KCNN2: variants seen among roughly 807,000 people sequenced by gnomAD.
KCNN2 encodes the protein small conductance calcium-activated potassium channel protein 2.
KCNN2 carries 24 observed loss-of-function variants against 55.5 expected under a neutral mutation model. That is an observed-to-expected ratio of 0.43 (90% CI 0.31 to 0.61). The LOEUF (loss-of-function observed/expected upper bound fraction) is 0.61. KCNN2 is among the 20% of genes least tolerant of loss of function. The probability of loss-of-function intolerance (pLI) is 0.08; values close to 1 mark genes in which losing one functional copy is unlikely to be tolerated. For missense variants in KCNN2, 754 were observed against 853.6 expected, an observed-to-expected ratio of 0.88 and a Z score of 1.45; for synonymous variants, 431 against 336.1, an observed-to-expected ratio of 1.28 and a Z score of -3.09.
At chr5:114,238,623 C>T (rs1436778392) in intron 2 of KCNN2, among the ~76,000 whole-genome samples, 1 of 139,806 alleles carries the variant, frequency 7.2e-6, no homozygotes, top group South Asian at 2.4e-4. Flanking sequence ...GAGACTCCGT[C>T]TCCAAAAAAA....
upstream of KCNN2, among the ~76,000 whole-genome samples, chr5:114,357,967 T>C (rs1429916492): frequency 6.6e-6 from 1 of 150,420 alleles, no homozygotes; most frequent in African/African-American, 2.4e-5. Flanking sequence ...ACCTGTTGTT[T>C]CCTGACTTTT....
chr5:114,098,810 T>C (rs909543319), intron 1 of KCNN2, among the ~76,000 whole-genome samples: 1 of 152,144 alleles, frequency 6.6e-6, no homozygotes, highest in African/African-American at 2.4e-5. Context: ...CTTTTATTTG[T>C]ATAAATTTAT....
chr5:114,123,141 AGT>A (rs1751858261), intron 1 of KCNN2, among the ~76,000 whole-genome samples: 1 of 152,100 alleles, frequency 6.6e-6, no homozygotes, highest in Non-Finnish European at 1.5e-5. Flanking sequence ...TTACTGAGGC[AGT>A]GTTTTTTTTG....
intron 2 of KCNN2, among the ~76,000 whole-genome samples, chr5:114,352,128 T>C (rs191654129): frequency 6.6e-6 from 1 of 151,726 alleles, no homozygotes; most frequent in Admixed American, 6.6e-5. Flanking sequence ...CCATTCAAAT[T>C]TTCTACTTAA....
intron 1 of KCNN2, among the ~76,000 whole-genome samples, chr5:114,072,085 G>A (rs190519509): frequency 9.2e-5 from 14 of 152,268 alleles, no homozygotes; most frequent in African/African-American, 3.4e-4. Flanking sequence ...CTGAGGTCGG[G>A]AGTTCAAGAC....
At chr5:114,467,073 T>C (rs1761486204) in intron 4 of KCNN2, among the ~76,000 whole-genome samples, 1 of 152,182 alleles carries the variant, frequency 6.6e-6, no homozygotes, top group Non-Finnish European at 1.5e-5. Flanking sequence ...ACGTTAAATT[T>C]GCCCTGTGCC....
At chr5:114,102,813 A>G (rs1751399462) in intron 1 of KCNN2, among the ~76,000 whole-genome samples, 1 of 152,216 alleles carries the variant, frequency 6.6e-6, no homozygotes, top group Non-Finnish European at 1.5e-5. Context: ...TTTTGGTACC[A>G]GTACCAAGCT....
chr5:114,128,603 T>TG (rs1751986879), intron 1 of KCNN2, among the ~76,000 whole-genome samples: 2 of 152,184 alleles, frequency 1.3e-5, no homozygotes, highest in African/African-American at 4.8e-5. Flanking sequence ...AAGACATAAT[T>TG]TAACTCATAA....
At chr5:114,165,539 T>A (rs556376443) in intron 1 of KCNN2, among the ~76,000 whole-genome samples, 3 of 152,156 alleles carry the variant, frequency 2.0e-5, no homozygotes, top group Admixed American at 1.3e-4. Flanking sequence ...TTACTTAGTT[T>A]ATTGATTAGG....
chr5:114,206,888 CCCAG>C (rs1463361211), intron 1 of KCNN2, among the ~76,000 whole-genome samples: 2 of 152,086 alleles, frequency 1.3e-5, no homozygotes, highest in Non-Finnish European at 2.9e-5. Context: ...GTCATTCCTC[CCCAG>C]CCAAGCTAAT....
chr5:114,303,441 T>C (rs1756208629), intron 2 of KCNN2, among the ~76,000 whole-genome samples: 1 of 152,140 alleles, frequency 6.6e-6, no homozygotes, highest in South Asian at 2.1e-4. Context: ...CAAGTTTGTG[T>C]TGAAGTAGGA....
intron 1 of KCNN2, among the ~76,000 whole-genome samples, chr5:114,202,612 A>G (rs1433712090): frequency 2.4e-5 from 3 of 127,638 alleles, no homozygotes; most frequent in Non-Finnish European, 4.7e-5. Flanking sequence ...CCCGAGACAG[A>G]GTCTCGCTCT....
intron 2 of KCNN2, among the ~76,000 whole-genome samples, chr5:114,329,815 T>G (rs1312034303): frequency 6.6e-6 from 1 of 152,186 alleles, no homozygotes; most frequent in African/African-American, 2.4e-5. Flanking sequence ...CTCTTCAATC[T>G]GTTCTTCTTC....
At chr5:114,190,631 G>A (rs557709715) in intron 1 of KCNN2, among the ~76,000 whole-genome samples, 1 of 151,938 alleles carries the variant, frequency 6.6e-6, no homozygotes, top group South Asian at 2.1e-4. Context: ...ACAATATATG[G>A]TATCTATTGT....
chr5:114,358,201 A>G (rs549719396), upstream of KCNN2, among the ~76,000 whole-genome samples: 2 of 152,234 alleles, frequency 1.3e-5, no homozygotes, highest in South Asian at 4.1e-4. Flanking sequence ...AAATTTTCGC[A>G]ACCTACTCAT....
rs1758881406 is a variant in KCNN2 at position 114,404,779 on chromosome 5, A to G, written c.1560A>G (p.Ile520Met). The stretch of plus-strand genomic sequence containing the variant: ...TTGTTATGAAGACTTTAATGACTAT[A>G]TGCCCAGGAACTGTACTCTTGGTTT... ...TRFVMKTLMT[I>M]CPGTVLLVFS... Residue 520 changes from isoleucine to methionine, a missense_variant, in exon 3 of 8, where the codon ATA (isoleucine) becomes ATG (methionine). Coordinates refer to ENST00000673685, the MANE Select transcript of KCNN2 (RefSeq NM_021614.4). 9.9e-6 allele frequency: 16 copies of G among 1,613,930 alleles called. No homozygotes were observed. Among genetic ancestry groups the G allele is most frequent in the Non-Finnish European group, 1.2e-5 (14 of 1,179,820 alleles).
intron 6 of KCNN2, among the ~76,000 whole-genome samples, chr5:114,489,657 C>T (rs561801279): frequency 6.6e-6 from 1 of 152,246 alleles, no homozygotes; most frequent in African/African-American, 2.4e-5. Flanking sequence ...TTTATTCATG[C>T]AAGCTTTGTT....
intron 1 of KCNN2, 106 bp downstream of exon 1, chr5:114,363,367 G>C: frequency 7.4e-7 from 1 of 1,342,978 alleles, no homozygotes; most frequent in South Asian, 1.5e-5. Context: ...TCTCCGGGAC[G>C]ATCAAGGGAG....
intron 7 of KCNN2, among the ~76,000 whole-genome samples, chr5:114,494,786 G>A (rs933512156): frequency 6.6e-6 from 1 of 152,116 alleles, no homozygotes; most frequent in Non-Finnish European, 1.5e-5. Context: ...TCAAGACTAT[G>A]TAGTAAAATT....
Sources: allele counts gnomAD v4.1 joint callset (sites outside exome capture counted in the v4.1 genomes callset), GRCh38; gene constraint gnomAD v4.1.1; transcripts MANE v1.5; gene names NCBI Gene and HGNC (gene_info 2026-07-23, HGNC 2026-07-21).